The following TFB1M variants were observed in gnomAD, a reference collection of about 807,000 sequenced individuals.
TFB1M encodes dimethyladenosine transferase 1, mitochondrial.
TFB1M carries 27 observed loss-of-function variants against 31.1 expected under a neutral mutation model. The ratio of observed to expected loss-of-function variants is 0.87; its 90% CI spans 0.64 to 1.20. TFB1M has a LOEUF of 1.20. TFB1M is among the 50% of genes most tolerant of loss of function. The pLI, the probability that TFB1M is intolerant of heterozygous loss-of-function variation, is 0.00. For synonymous variants in TFB1M, 166 were observed against 151.8 expected (o/e 1.09, Z -0.69); for missense variants, 394 against 418.7 (o/e 0.94, Z 0.51).
At chr6:155,306,912 G>T (rs1386646475) in intron 2 of TFB1M, among the ~76,000 whole-genome samples, 14 of 152,072 alleles carry the variant, frequency 9.2e-5, no homozygotes, top group Admixed American at 9.2e-4. Flanking sequence ...CTTAAGCCCG[G>T]GAGTTTGAGA....
intron 5 of TFB1M, among the ~76,000 whole-genome samples, chr6:155,275,374 TA>T (rs1260782193): frequency 6.6e-6 from 1 of 152,224 alleles, no homozygotes; most frequent in East Asian, 1.9e-4. Flanking sequence ...TGTTGAGTTT[TA>T]AAAAGAATTA....
At position 155,303,642 on chromosome 6, in the gene TFB1M, T is replaced by C. The variant is rs117849836; in HGVS notation, c.286-5057A>G. On this transcript the variant is annotated intron_variant, in intron 2 of 6. Transcript: ENST00000367166. ...CAATCTTCCTTTTTAAAAAAATTGTTAGAGATTAAAGAATTTCAAAACTTC... is the reference window on the plus strand; with the variant it reads ...CAATCTTCCTTTTTAAAAAAATTGTCAGAGATTAAAGAATTTCAAAACTTC... The C allele has an allele frequency of 1.6e-4, 25 of 152,370 alleles. No homozygotes were observed. In the East Asian group the frequency reaches 4.6e-3, roughly 28 times the overall value. 9.4% of individuals were successfully genotyped at this position (152,370 alleles called of 1,614,324 possible). A position where few individuals can be genotyped will look rare whatever the true frequency, so the allele number is the denominator to read the frequency against.
At chr6:155,238,420 A>C in the TFB1M span, among the ~76,000 whole-genome samples, 3 of 152,178 alleles carry the variant, frequency 2.0e-5, no homozygotes, top group African/African-American at 7.2e-5. Context: ...CCAGCTCTGA[A>C]GTTGCCTCCA....
intron 6 of TFB1M, among the ~76,000 whole-genome samples, chr6:155,258,547 A>AAT (rs4031393): frequency 0.66 from 100,233 of 151,956 alleles, 33,843 homozygotes; most frequent in East Asian, 0.99. Flanking sequence ...AAAGTTTGAA[A>AAT]ATAGCTGATA....
In TFB1M at chr6:155,258,408, TG is replaced by T. The variant is rs1158385970; in HGVS notation, c.795-327del. On this transcript the variant is annotated intron_variant, in intron 6 of 6. Coordinates refer to ENST00000367166, the MANE Select transcript of TFB1M (RefSeq NM_016020.4). ...CATTCTTGTAGAAACATAAGCTTGA[TG>T]TGCCTCATGTTTCAATGTGAAAGTT... is the stretch of plus-strand genomic sequence containing the variant. Among the ~76,000 whole-genome samples the T allele has an allele frequency of 2.0e-5, 3 of 152,346 alleles. No individual in the cohort carries two copies. The East Asian group carries it at 5.8e-4, about 29-fold the overall frequency.
intron 2 of TFB1M, among the ~76,000 whole-genome samples, chr6:155,299,193 C>T (rs1343732065): frequency 1.3e-5 from 2 of 151,948 alleles, no homozygotes; most frequent in African/African-American, 4.8e-5. Context: ...AATGAATTAC[C>T]CTGGATGTTT....
At chr6:155,242,563 T>C in the TFB1M span, among the ~76,000 whole-genome samples, 69 of 152,334 alleles carry the variant, frequency 4.5e-4, no homozygotes, top group African/African-American at 1.5e-3. Context: ...GTTCTGGGGA[T>C]GCTTTGGGCT....
chr6:155,296,097 A>AC (rs1425103521), intron 4 of TFB1M, among the ~76,000 whole-genome samples: 3 of 152,112 alleles, frequency 2.0e-5, no homozygotes, highest in Non-Finnish European at 4.4e-5. Flanking sequence ...ACCCCTGCTT[A>AC]CCCTGGAGGG....
intron 4 of TFB1M, among the ~76,000 whole-genome samples, chr6:155,290,128 T>A (rs971329474): frequency 6.6e-6 from 1 of 152,338 alleles, no homozygotes; most frequent in African/African-American, 2.4e-5. Context: ...GGCTCACGCC[T>A]GTAATCCCAG....
downstream of TFB1M, chr6:155,253,939 T>C (rs748147501): frequency 6.3e-7 from 1 of 1,576,602 alleles, no homozygotes; most frequent in African/African-American, 1.4e-5. Context: ...TTGGGCAAAG[T>C]TGTAGACTCT....
chr6:155,248,114 C>T, the TFB1M span: 4 of 1,614,170 alleles, frequency 2.5e-6, no homozygotes, highest in South Asian at 2.2e-5. Flanking sequence ...CTCAAGTACC[C>T]GCTGCTGCTC....
chr6:155,250,720 C>A, the TFB1M span: 4 of 1,209,640 alleles, frequency 3.3e-6, no homozygotes, highest in South Asian at 2.8e-5. Context: ...TTATGTTATT[C>A]ATCAGACACT....
At chr6:155,233,163 T>C in the TFB1M span, among the ~76,000 whole-genome samples, 1 of 152,144 alleles carries the variant, frequency 6.6e-6, no homozygotes, top group Non-Finnish European at 1.5e-5. Flanking sequence ...AGTCTTGAAA[T>C]AGTTCTGGGT....
chr6:155,296,829 G>C, intron 4 of TFB1M, 124 bp downstream of exon 4: 1 of 917,356 alleles, frequency 1.1e-6, no homozygotes, highest in Non-Finnish European at 1.7e-6. Context: ...AGCTGCTGCT[G>C]GGTTCTTGTG....
chr6:155,311,175 T>C lies in TFB1M; in HGVS notation c.285+13A>G. ...GCTTTTGCCTCCTAAAGCAGACACT[T>C]TAAGCATCTCACCTGTAATCCAGGA... is the stretch of plus-strand genomic sequence containing the variant. On this transcript the variant is annotated intron_variant, in intron 2 of 6. Coordinates refer to ENST00000367166, the MANE Select transcript of TFB1M (RefSeq NM_016020.4). 2 of 1,613,982 alleles carry C rather than the reference T, an allele frequency of 1.2e-6. No homozygotes were observed. The highest frequency in any genetic ancestry group is 1.7e-6 in the Non-Finnish European group (2 of 1,179,886).
At chr6:155,267,138 C>A (rs1784689880) in intron 5 of TFB1M, among the ~76,000 whole-genome samples, 1 of 151,846 alleles carries the variant, frequency 6.6e-6, no homozygotes, top group African/African-American at 2.4e-5. Flanking sequence ...CCACACCCGG[C>A]CAATTTTTGT....
intron 1 of TFB1M, among the ~76,000 whole-genome samples, chr6:155,311,662 G>C (rs1168772907): frequency 6.6e-6 from 1 of 152,142 alleles, no homozygotes; most frequent in Non-Finnish European, 1.5e-5. Flanking sequence ...GAAACCAACC[G>C]ACTCCTAAGA....
intron 5 of TFB1M, among the ~76,000 whole-genome samples, chr6:155,281,815 A>G (rs1785517520): frequency 2.7e-5 from 2 of 73,656 alleles, no homozygotes; most frequent in Admixed American, 3.7e-4. Flanking sequence ...CTATCACCAT[A>G]ATTCATAAAA....
At chr6:155,287,495 C>T (rs1262933929) in intron 4 of TFB1M, among the ~76,000 whole-genome samples, 1 of 151,276 alleles carries the variant, frequency 6.6e-6, no homozygotes, top group Non-Finnish European at 1.5e-5. Context: ...AAAATTTGTA[C>T]AGTATAATGC....
Sources: allele counts gnomAD v4.1 joint callset (sites outside exome capture counted in the v4.1 genomes callset), GRCh38; gene constraint gnomAD v4.1.1; transcripts MANE v1.5; gene names NCBI Gene and HGNC (gene_info 2026-07-23, HGNC 2026-07-21).